SYNE2: variants seen among roughly 807,000 people sequenced by gnomAD.
SYNE2 encodes spectrin repeat containing nuclear envelope protein 2, also known as nesprin-2.
SYNE2 carries 431 observed loss-of-function variants against 856.3 expected under a neutral mutation model. That is an observed-to-expected ratio of 0.50 (90% CI 0.47 to 0.55). SYNE2 has a LOEUF of 0.55. Among genes scored for constraint, SYNE2 ranks in the 20% least tolerant of loss-of-function variants. The pLI is 0.00. For synonymous variants in SYNE2, 2,923 were observed against 2,872.3 expected, an observed-to-expected ratio of 1.02 and a Z score of -0.56; for missense variants, 8,129 against 8,023.2, an observed-to-expected ratio of 1.01 and a Z score of -0.50.
intron 109 of SYNE2, among the ~76,000 whole-genome samples, chr14:64,218,771 A>G (rs977490764): frequency 8.5e-5 from 13 of 152,164 alleles, no homozygotes; most frequent in Non-Finnish European, 4.4e-5. Context: ...TTCACTTTCT[A>G]TATTTGTGTG....
Position 63,941,591 on chromosome 14 carries a change from C to T in SYNE2, c.142-104C>T, listed in dbSNP as rs1044164104. 1.0e-5 allele frequency: 9 copies of T among 898,550 alleles called. No homozygotes were observed. The African/African-American group carries it at 1.3e-4, about 13-fold the overall frequency. 55.7% of individuals were successfully genotyped at this position (898,550 alleles called of 1,614,324 possible). On this transcript the variant is annotated intron_variant, in intron 3 of 115. Transcript: ENST00000555002. The stretch of plus-strand genomic sequence containing the variant: ...TCATTCTCTTAATTAAGAAGAAAGT[C>T]ATTACTGAATTTTAGTTTTTCACAA...
At chr14:63,948,770 GTA>G (rs1416411390) in intron 6 of SYNE2, among the ~76,000 whole-genome samples, 36 of 79,696 alleles carry the variant, frequency 4.5e-4, no homozygotes, top group East Asian at 4.2e-3. Context: ...GTATATATAT[GTA>G]TGTGTGTGTG....
At chr14:64,143,318 G>A (rs753320908) in intron 82 of SYNE2, among the ~76,000 whole-genome samples, 1 of 152,184 alleles carries the variant, frequency 6.6e-6, no homozygotes, top group Non-Finnish European at 1.5e-5. Context: ...AACTATCCCC[G>A]AAGGAACAGG....
intron 49 of SYNE2, among the ~76,000 whole-genome samples, chr14:64,062,338 A>G (rs1469744961): frequency 6.6e-6 from 1 of 152,212 alleles, no homozygotes. Flanking sequence ...GATAAGCTCT[A>G]TATGTTTAGG....
At chr14:64,018,728 T>C (rs1273813034) in intron 34 of SYNE2, among the ~76,000 whole-genome samples, 1 of 152,210 alleles carries the variant, frequency 6.6e-6, no homozygotes, top group Non-Finnish European at 1.5e-5. Flanking sequence ...TCTCCGGCTA[T>C]AGTTAACCTC....
In SYNE2 at chr14:64,026,767, A is replaced by G. The variant is rs1250634501; in HGVS notation, c.6404+37A>G. The G allele has an allele frequency of 1.9e-6, 3 of 1,581,830 alleles. No homozygotes were observed. The African/African-American group carries it at 4.0e-5, about 21-fold the overall frequency. ...GCCTGCACCACTTGCATCATATCCC[A>G]TTGCCCAGTGAAGCCATAACAAGTA... On this transcript the variant is annotated intron_variant, in intron 42 of 115. Transcript: ENST00000555002.
At chr14:63,978,732 T>G in intron 13 of SYNE2, 120 bp from the exon 14 acceptor site, 1 of 757,536 alleles carries the variant, frequency 1.3e-6, no homozygotes, top group African/African-American at 1.8e-5. Flanking sequence ...ATGATACATC[T>G]GAGTTCCATG....
rs367811181 is a variant in SYNE2 at position 64,048,136 on chromosome 14, A to T, written c.7358A>T (p.Glu2453Val). ...GAATTAGATACTATGTTAAGAAATGAACAATTAGAAGAGATAGAGGTATGG... is the reference window on the plus strand; with the variant it reads ...GAATTAGATACTATGTTAAGAAATGTACAATTAGAAGAGATAGAGGTATGG... ...PLELDTMLRN[E>V]QLEEIEKLYT... Residue 2453 changes from glutamate to valine, a missense_variant, in exon 46 of 116, where the codon GAA becomes GTA. Around this residue, in one of 3 missense-constraint regions of SYNE2, gnomAD observed 5,410 missense variants for 5,284.8 expected, o/e 1.02. Coordinates refer to ENST00000555002, the MANE Select transcript of SYNE2 (RefSeq NM_182914.3). 1.2e-5 allele frequency: 19 copies of T among 1,613,302 alleles called. 1 individual carries two copies. In the African/African-American group the frequency reaches 1.5e-4, roughly 12 times the overall value.
intron 99 of SYNE2, among the ~76,000 whole-genome samples, chr14:64,198,435 T>C (rs574711510): frequency 1.3e-5 from 2 of 152,346 alleles, no homozygotes; most frequent in Admixed American, 6.5e-5. Flanking sequence ...ACAGTGTCTG[T>C]ACAGAACAGA....
rs1042031461 is a variant in SYNE2 at position 64,053,272 on chromosome 14, T to C, written c.9359T>C (p.Ile3120Thr). 34 of 1,608,710 alleles carry C rather than the reference T, an allele frequency of 2.1e-5. No individual in the cohort carries two copies. The highest frequency in any genetic ancestry group is 2.7e-5 in the Non-Finnish European group (32 of 1,178,488). ...GATGACTCATTCAAGGAGAAAGAAA[T>C]ACTACAAATAAAGCTGAATGCAGAA... ...TFDDSFKEKE[I>T]LQIKLNAEEN... The change falls in exon 48 of 116, where the codon ATA becomes ACA. Residue 3120 changes from isoleucine to threonine, a missense_variant. Around this residue, in one of 3 missense-constraint regions of SYNE2, gnomAD observed 5,410 missense variants for 5,284.8 expected, o/e 1.02. Coordinates refer to ENST00000555002, the MANE Select transcript of SYNE2 (RefSeq NM_182914.3).
At chr14:64,126,942 G>A in intron 73 of SYNE2, 135 bp downstream of exon 73, 1 of 1,049,428 alleles carries the variant, frequency 9.5e-7, no homozygotes, top group Non-Finnish European at 1.4e-6. Flanking sequence ...TCTGTTTGTT[G>A]CTCATGGTTG....
intron 1 of SYNE2, among the ~76,000 whole-genome samples, chr14:63,881,689 C>T (rs1016703652): frequency 1.3e-5 from 2 of 151,584 alleles, no homozygotes; most frequent in Admixed American, 1.3e-4. Flanking sequence ...AATTAATCTG[C>T]CACATCAGGA....
Position 63,779,325 on chromosome 14 carries a change from C to CAAATAAATAAAT in SYNE2, c.-305+17363_-305+17374dup, listed in dbSNP as rs3057793. Among the ~76,000 whole-genome samples, 854 of 139,324 alleles carry CAAATAAATAAAT rather than the reference C, an allele frequency of 6.1e-3. 10 individuals are homozygous for CAAATAAATAAAT. Among genetic ancestry groups the CAAATAAATAAAT allele is most frequent in the African/African-American group, 0.017 (646 of 37,832 alleles). The allele number at this position is 139,324 out of a possible 152,430, so 91.4% of individuals were successfully genotyped here. On this transcript the variant is annotated intron_variant, in intron 1 of 23. Transcript: ENST00000674003. The stretch of plus-strand genomic sequence containing the variant: ...GGGCAACACGAGCAAAACTCCGTCT[C>CAAATAAATAAAT]AAATAAATAAATAAATAAATAAATA...
chr14:63,900,895 T>C (rs1413049679), intron 1 of SYNE2, among the ~76,000 whole-genome samples: 1 of 152,206 alleles, frequency 6.6e-6, no homozygotes, highest in African/African-American at 2.4e-5. Context: ...ACAATTTAAC[T>C]GATAAAGGAG....
At chr14:64,223,864 A>G (rs563708266) in intron 113 of SYNE2, among the ~76,000 whole-genome samples, 289 of 152,296 alleles carry the variant, frequency 1.9e-3, no homozygotes, top group African/African-American at 6.8e-3. Context: ...CTTGATGGCC[A>G]CATGATCTCA....
At chr14:64,110,575 T>A in intron 65 of SYNE2, among the ~76,000 whole-genome samples, 1 of 134,874 alleles carries the variant, frequency 7.4e-6, no homozygotes, top group African/African-American at 2.9e-5. Flanking sequence ...ATACTTATAG[T>A]AATACTTTTT....
intron 1 of SYNE2, among the ~76,000 whole-genome samples, chr14:63,805,245 A>G (rs1355963212): frequency 6.6e-6 from 1 of 152,230 alleles, no homozygotes; most frequent in Non-Finnish European, 1.5e-5. Context: ...TTTTCTAATT[A>G]TGTGAAAAAT....
chr14:63,813,725 C>A (rs1888708510), intron 1 of SYNE2, among the ~76,000 whole-genome samples: 1 of 151,966 alleles, frequency 6.6e-6, no homozygotes, highest in Non-Finnish European at 1.5e-5. Context: ...AATTCAACAC[C>A]AGCCTGGACA....
chr14:64,136,360 A>T (rs191078309), intron 78 of SYNE2, among the ~76,000 whole-genome samples: 121 of 151,096 alleles, frequency 8.0e-4, no homozygotes, highest in African/African-American at 2.8e-3. Flanking sequence ...AAGGTGAAGA[A>T]TCTAGCACTT....
Sources: allele counts gnomAD v4.1 joint callset (sites outside exome capture counted in the v4.1 genomes callset), GRCh38; gene constraint gnomAD v4.1.1; regional missense constraint gnomAD v4.1.1; transcripts MANE v1.5; gene names NCBI Gene and HGNC (gene_info 2026-07-23, HGNC 2026-07-21).